Variants in PSTPIP2 observed in about 807,000 individuals in gnomAD.
The protein encoded by PSTPIP2 is proline-serine-threonine phosphatase-interacting protein 2.
PSTPIP2 carries 33 observed loss-of-function variants against 63.3 expected under a neutral mutation model. That is an observed-to-expected ratio of 0.52 (90% CI 0.40 to 0.70). The LOEUF (loss-of-function observed/expected upper bound fraction) is 0.70, where lower values mean the gene tolerates loss of function less well. Among genes scored for constraint, PSTPIP2 ranks in the 30% least tolerant of loss-of-function variants. The pLI is 0.00. For synonymous variants in PSTPIP2, 125 were observed against 132.7 expected (o/e 0.94, Z 0.40); for missense variants, 312 against 400.7 (o/e 0.78, Z 1.89).
At chr18:45,988,435 G>GAAAAAA (rs548829215) in intron 14 of PSTPIP2, among the ~76,000 whole-genome samples, 1 of 128,574 alleles carries the variant, frequency 7.8e-6, no homozygotes, top group African/African-American at 3.4e-5. Context: ...ACTCTGCTTC[G>GAAAAAA]AAAAAAAAAA....
At position 46,011,231 on chromosome 18, in the gene PSTPIP2, CCTCTT is replaced by C. The variant is rs1200253925; in HGVS notation, c.299_303del (p.Glu100GlyfsTer27). Reference sequence around the variant, plus strand: ...TCCCTGAATTCTTCCATCTTCCTGGCCTCTTCTCTTAAACTCTGTGCAAGCTGAAT... The same window carrying C: ...TCCCTGAATTCTTCCATCTTCCTGGCCTCTTAAACTCTGTGCAAGCTGAAT... On this transcript the variant is annotated frameshift_variant, in exon 5 of 15. Coordinates refer to ENST00000409746, the MANE Select transcript of PSTPIP2 (RefSeq NM_024430.4). LOFTEE classifies it high-confidence loss of function. 1 of 1,613,846 alleles carries C rather than the reference CCTCTT, an allele frequency of 6.2e-7. No homozygotes were observed. The highest frequency in any genetic ancestry group is 8.5e-7 in the Non-Finnish European group (1 of 1,179,982).
intron 11 of PSTPIP2, 54 bp downstream of exon 11, chr18:45,992,052 G>T: frequency 6.3e-7 from 1 of 1,593,906 alleles, no homozygotes; most frequent in Non-Finnish European, 8.6e-7. Flanking sequence ...CATCTAACAA[G>T]AAAGGCTAAT....
intron 10 of PSTPIP2, among the ~76,000 whole-genome samples, chr18:45,992,849 A>G (rs1206652025): frequency 6.6e-6 from 1 of 151,970 alleles, no homozygotes; most frequent in Non-Finnish European, 1.5e-5. Flanking sequence ...CAGCCTCCCA[A>G]GTAGCTGGGA....
At chr18:46,058,563 G>T (rs1256075466) in intron 1 of PSTPIP2, among the ~76,000 whole-genome samples, 1 of 152,058 alleles carries the variant, frequency 6.6e-6, no homozygotes, top group Non-Finnish European at 1.5e-5. Context: ...GTTTCACCGT[G>T]TTGGCCAGGC....
At chr18:46,009,203 T>C (rs1668590132) in intron 5 of PSTPIP2, among the ~76,000 whole-genome samples, 1 of 152,088 alleles carries the variant, frequency 6.6e-6, no homozygotes, top group Non-Finnish European at 1.5e-5. Flanking sequence ...TTCCAGGACC[T>C]GCACCTCTTG....
intron 6 of PSTPIP2, among the ~76,000 whole-genome samples, chr18:46,002,221 A>C (rs2144072239): frequency 6.6e-6 from 1 of 152,262 alleles, no homozygotes; most frequent in South Asian, 2.1e-4. Context: ...TCTTGGTTAC[A>C]GTTTAATCAG....
At chr18:46,036,158 T>C (rs1907970804) in intron 2 of PSTPIP2, among the ~76,000 whole-genome samples, 1 of 149,350 alleles carries the variant, frequency 6.7e-6, no homozygotes, top group South Asian at 2.1e-4. Context: ...ATTATAATAT[T>C]AATTGTTAAT....
rs1449273718 is a variant in PSTPIP2, at chr18:45,984,442, G to C, written c.*1017C>G. 6.6e-6 allele frequency: 1 copy of C among 152,194 alleles called. No homozygotes were observed. The highest frequency in any genetic ancestry group is 1.9e-4 in the East Asian group (1 of 5,204). 9.4% of individuals were successfully genotyped at this position (152,194 alleles called of 1,614,324 possible). On this transcript the variant is annotated 3_prime_UTR_variant, in exon 15 of 15. Coordinates refer to ENST00000409746, the MANE Select transcript of PSTPIP2 (RefSeq NM_024430.4). ...TTTAAAATTCTGGGGTCTAGCAAGG[G>C]AAAGATTCTCTGTGAAGACCCAAAA...
intron 5 of PSTPIP2, among the ~76,000 whole-genome samples, chr18:46,008,841 C>A (rs1323515876): frequency 1.3e-5 from 2 of 152,078 alleles, no homozygotes; most frequent in African/African-American, 4.8e-5. Flanking sequence ...AGTGTCAATA[C>A]CGCTGAGAAT....
chr18:45,986,024 G>A (rs1055786162), intron 14 of PSTPIP2, among the ~76,000 whole-genome samples: 8 of 152,096 alleles, frequency 5.3e-5, no homozygotes, highest in Non-Finnish European at 1.0e-4. Context: ...TGATCCGCCC[G>A]CCTTGGCCTC....
In PSTPIP2 at chr18:46,027,918, T is replaced by C. The variant is rs527374674; in HGVS notation, c.135-3232A>G. Among the ~76,000 whole-genome samples, 3 of 152,300 alleles carry C rather than the reference T, an allele frequency of 2.0e-5. 1 individual carries two copies. The highest frequency in any genetic ancestry group is 7.2e-5 in the African/African-American group (3 of 41,568). On this transcript the variant is annotated intron_variant, in intron 2 of 14. Coordinates refer to ENST00000409746, the MANE Select transcript of PSTPIP2 (RefSeq NM_024430.4). Reference sequence around the variant, plus strand: ...GCTCACGTCTGTAATCACAGCACTTTGGGAGGCCAAGGCAGGCGGATCAGT... The same window carrying C: ...GCTCACGTCTGTAATCACAGCACTTCGGGAGGCCAAGGCAGGCGGATCAGT...
Position 46,056,056 on chromosome 18 carries a change from T to C in PSTPIP2, c.34-16009A>G, listed in dbSNP as rs555753184. Among the ~76,000 whole-genome samples the C allele has an allele frequency of 2.5e-3, 376 of 152,270 alleles. 1 individual carries two copies. Among genetic ancestry groups the C allele is most frequent in the Non-Finnish European group, 2.2e-3 (153 of 68,004 alleles). ...TTCTATAGGAGCCCCAAGCACAAAC[T>C]TGCCCTCTCCCTTCTCTCTCTACAG... On this transcript the variant is annotated intron_variant, in intron 1 of 14. Transcript: ENST00000409746.
chr18:45,999,653 T>A, intron 6 of PSTPIP2, 119 bp from the exon 7 acceptor site: 1 of 929,824 alleles, frequency 1.1e-6, no homozygotes, highest in Non-Finnish European at 1.6e-6. Context: ...GCTCTGATTG[T>A]CACTAAGCCA....
intron 2 of PSTPIP2, among the ~76,000 whole-genome samples, chr18:46,039,291 T>C (rs1165433968): frequency 6.6e-6 from 1 of 152,166 alleles, no homozygotes; most frequent in East Asian, 1.9e-4. Flanking sequence ...GAAAATCCTC[T>C]AAACCATGCC....
chr18:46,005,628 G>A, intron 5 of PSTPIP2, 97 bp from the exon 6 acceptor site: 2 of 906,730 alleles, frequency 2.2e-6, no homozygotes, highest in Non-Finnish European at 1.6e-6. Flanking sequence ...AGGGTTAAGT[G>A]TTCAAAATGA....
chr18:46,012,553 T>C (rs1404702542), intron 4 of PSTPIP2, among the ~76,000 whole-genome samples: 1 of 152,124 alleles, frequency 6.6e-6, no homozygotes, highest in Admixed American at 6.5e-5. Flanking sequence ...GGTGGGTGTA[T>C]CACGAGGTCA....
chr18:46,012,714 A>G (rs1023521142), intron 4 of PSTPIP2, among the ~76,000 whole-genome samples: 8 of 152,222 alleles, frequency 5.3e-5, no homozygotes, highest in Non-Finnish European at 1.0e-4. Context: ...TGGAGTTTGC[A>G]GTGAGCCGAG....
intron 2 of PSTPIP2, among the ~76,000 whole-genome samples, chr18:46,027,848 A>C (rs775381210): frequency 9.2e-5 from 14 of 152,146 alleles, no homozygotes; most frequent in Non-Finnish European, 1.8e-4. Flanking sequence ...TTCTGAGGTT[A>C]AAAGAAAAAG....
intron 13 of PSTPIP2, chr18:45,989,543 T>A (rs4081461): frequency 0.24 from 36,941 of 153,824 alleles, 6,333 homozygotes; most frequent in African/African-American, 0.47. Flanking sequence ...AACAGACTAG[T>A]ACACTCATTC....
Sources: allele counts gnomAD v4.1 joint callset (sites outside exome capture counted in the v4.1 genomes callset), GRCh38; gene constraint gnomAD v4.1.1; transcripts MANE v1.5; gene names NCBI Gene and HGNC (gene_info 2026-07-23, HGNC 2026-07-21).